The following ST8SIA1 variants were observed in gnomAD, a reference collection of about 807,000 sequenced individuals.
ST8SIA1 encodes the protein alpha-N-acetylneuraminide alpha-2,8-sialyltransferase.
ST8SIA1 carries 16 observed loss-of-function variants against 35.9 expected under a neutral mutation model. That is an observed-to-expected ratio of 0.45 (90% CI 0.30 to 0.68). ST8SIA1 has a LOEUF of 0.68. ST8SIA1 is among the 30% of genes least tolerant of loss of function. ST8SIA1 has a pLI of 0.09. For synonymous variants in ST8SIA1, 170 were observed against 169.6 expected (o/e 1.00, Z -0.02); for missense variants, 383 against 453.6 (o/e 0.84, Z 1.41).
At chr12:22,242,088 CCAAA>C (rs930983339) in intron 4 of ST8SIA1, among the ~76,000 whole-genome samples, 1 of 151,996 alleles carries the variant, frequency 6.6e-6, no homozygotes, top group Non-Finnish European at 1.5e-5. Flanking sequence ...CACTAAGCCA[CCAAA>C]CAAAGAAACA....
At chr12:22,262,045 G>A (rs1865798768) in intron 2 of ST8SIA1, among the ~76,000 whole-genome samples, 1 of 152,142 alleles carries the variant, frequency 6.6e-6, no homozygotes. Context: ...TAACATTTAA[G>A]CTGAGATCCA....
At position 22,296,619 on chromosome 12, in the gene ST8SIA1, C is replaced by G. The variant is rs73251958; in HGVS notation, c.237-9326G>C. 4.4e-4 allele frequency among the ~76,000 whole-genome samples: 67 copies of G among 152,246 alleles called. 1 individual carries two copies. The highest frequency in any genetic ancestry group is 1.6e-3 in the African/African-American group (65 of 41,554). On this transcript the variant is annotated intron_variant, in intron 1 of 4. Coordinates refer to ENST00000396037, the MANE Select transcript of ST8SIA1 (RefSeq NM_003034.4). ...ATTTCTGTTATACATGAATTCGTAT[C>G]TTTATGAATAAAATTCTGTTCGTCT...
chr12:22,244,732 G>A (rs760836729), intron 4 of ST8SIA1, among the ~76,000 whole-genome samples: 10 of 152,268 alleles, frequency 6.6e-5, no homozygotes, highest in Non-Finnish European at 8.8e-5. Flanking sequence ...GATTACAGGC[G>A]TGAGCCACCA....
chr12:22,269,619 A>G (rs937972252), intron 2 of ST8SIA1, among the ~76,000 whole-genome samples: 3 of 152,238 alleles, frequency 2.0e-5, no homozygotes, highest in Non-Finnish European at 4.4e-5. Flanking sequence ...TTTTTTCACT[A>G]TGATAAACAA....
At chr12:22,239,786 G>T (rs960875538) in intron 4 of ST8SIA1, among the ~76,000 whole-genome samples, 27 of 152,250 alleles carry the variant, frequency 1.8e-4, no homozygotes, top group African/African-American at 6.5e-4. Flanking sequence ...AGAAATTTGT[G>T]TGCTTCTGTT....
intron 4 of ST8SIA1, among the ~76,000 whole-genome samples, chr12:22,208,079 G>A (rs1865133832): frequency 6.7e-6 from 1 of 150,100 alleles, no homozygotes; most frequent in Admixed American, 6.7e-5. Context: ...GGTGGAGGTT[G>A]CAGTGAGCCA....
chr12:22,262,611 C>G (rs750828016), intron 2 of ST8SIA1, among the ~76,000 whole-genome samples: 1 of 152,196 alleles, frequency 6.6e-6, no homozygotes, highest in East Asian at 1.9e-4. Flanking sequence ...AGAGTCTGAG[C>G]TGGTCTGGGA....
intron 4 of ST8SIA1, chr12:22,223,420 C>T: frequency 1.5e-6 from 1 of 655,808 alleles, no homozygotes; most frequent in Middle Eastern, 7.7e-4. Flanking sequence ...CTGTATCTTC[C>T]TGTAGTCCAA....
At chr12:22,260,131 G>C (rs527522984) in intron 2 of ST8SIA1, among the ~76,000 whole-genome samples, 2 of 151,140 alleles carry the variant, frequency 1.3e-5, no homozygotes, top group South Asian at 4.2e-4. Flanking sequence ...ATTAACTATA[G>C]TAATGAGCTC....
chr12:22,313,102 C>T (rs551909357), intron 1 of ST8SIA1, among the ~76,000 whole-genome samples: 24 of 152,280 alleles, frequency 1.6e-4, no homozygotes, highest in African/African-American at 5.3e-4. Context: ...GGCCCTATCT[C>T]CTACTACATA....
intron 4 of ST8SIA1, among the ~76,000 whole-genome samples, chr12:22,214,597 T>C (rs949136181): frequency 1.3e-5 from 2 of 152,150 alleles, no homozygotes; most frequent in African/African-American, 2.4e-5. Flanking sequence ...ACAAGTTTGA[T>C]GTTAACCCTC....
intron 4 of ST8SIA1, among the ~76,000 whole-genome samples, chr12:22,241,914 A>G (rs564996194): frequency 2.0e-5 from 3 of 152,150 alleles, no homozygotes; most frequent in South Asian, 4.2e-4. Context: ...CTCCATATGT[A>G]TATTTTTCTC....
chr12:22,325,814 G>A (rs1193754760), intron 1 of ST8SIA1: 12 of 700,608 alleles, frequency 1.7e-5, no homozygotes, highest in Non-Finnish European at 3.1e-5. Context: ...CATCAGTCTT[G>A]CATTTTGGGG....
intron 4 of ST8SIA1, among the ~76,000 whole-genome samples, chr12:22,214,170 T>C (rs1160957357): frequency 1.3e-5 from 2 of 152,004 alleles, no homozygotes; most frequent in Non-Finnish European, 2.9e-5. Flanking sequence ...GAGACAGAGC[T>C]GCAGCAAAGA....
intron 1 of ST8SIA1, among the ~76,000 whole-genome samples, chr12:22,319,216 A>G (rs952058245): frequency 6.6e-6 from 1 of 152,226 alleles, no homozygotes; most frequent in Non-Finnish European, 1.5e-5. Flanking sequence ...CAGACACAAA[A>G]TAAATAGCAA....
intron 1 of ST8SIA1, among the ~76,000 whole-genome samples, chr12:22,308,185 A>G (rs1458809415): frequency 6.6e-6 from 1 of 152,200 alleles, no homozygotes; most frequent in African/African-American, 2.4e-5. Context: ...ATATGTTTTT[A>G]TAGTTTCTTA....
At chr12:22,283,729 C>T (rs1240617031) in intron 2 of ST8SIA1, among the ~76,000 whole-genome samples, 1 of 152,156 alleles carries the variant, frequency 6.6e-6, no homozygotes, top group Non-Finnish European at 1.5e-5. Flanking sequence ...AAGGGTACTG[C>T]AGGGGTCCAG....
At chr12:22,319,761 A>G (rs2728822) in intron 1 of ST8SIA1, among the ~76,000 whole-genome samples, 2 of 151,982 alleles carry the variant, frequency 1.3e-5, no homozygotes, top group Non-Finnish European at 2.9e-5. Flanking sequence ...AGGGAGGCCC[A>G]AAGAGAATCA....
intron 4 of ST8SIA1, among the ~76,000 whole-genome samples, chr12:22,242,565 G>T (rs1865553034): frequency 6.6e-6 from 1 of 152,102 alleles, no homozygotes; most frequent in Non-Finnish European, 1.5e-5. Context: ...GGGAATGATG[G>T]ATTTAAAAAA....
Sources: gnomAD v4.1 joint callset for allele counts (sites outside exome capture counted in the v4.1 genomes callset) on GRCh38, gnomAD v4.1.1 for gene constraint, MANE v1.5 for transcripts, NCBI Gene and HGNC (gene_info 2026-07-23, HGNC 2026-07-21) for gene names.